Variants in MTUS2 observed in about 807,000 individuals in gnomAD.
The protein encoded by MTUS2 is microtubule associated scaffold protein 2.
A neutral mutation model predicts 114.1 loss-of-function variants in MTUS2; 40 were observed. The ratio of observed to expected loss-of-function variants is 0.35; its 90% CI spans 0.27 to 0.46. The LOEUF (loss-of-function observed/expected upper bound fraction) is 0.46. Among genes scored for constraint, MTUS2 ranks in the 20% least tolerant of loss-of-function variants. The probability of loss-of-function intolerance (pLI) is 1.00; values close to 1 mark genes in which losing one functional copy is unlikely to be tolerated. For synonymous variants in MTUS2, 688 were observed against 672.0 expected (o/e 1.02, Z -0.37); for missense variants, 1,679 against 1,705.4 (o/e 0.98, Z 0.27).
chr13:29,161,111 G>A (rs1407894904), intron 5 of MTUS2, among the ~76,000 whole-genome samples: 1 of 152,220 alleles, frequency 6.6e-6, no homozygotes, highest in East Asian at 1.9e-4. Flanking sequence ...GGTGGCAGAT[G>A]CCTGAAACTA....
At position 29,505,837 on chromosome 13, in the gene MTUS2, C is replaced by T. The variant is rs1210069561; in HGVS notation, c.*2631C>T. The T allele has an allele frequency of 4.8e-5, 11 of 228,932 alleles. No individual in the cohort carries two copies. In the East Asian group the frequency reaches 5.6e-4, roughly 12 times the overall value. The allele number at this position is 228,932 out of a possible 1,614,324, so 14.2% of individuals were successfully genotyped here. A position where few individuals can be genotyped will look rare whatever the true frequency, so the allele number is the denominator to read the frequency against. The stretch of plus-strand genomic sequence containing the variant: ...GGATGGGGGTGGGGGCAGCCCTGGC[C>T]GTGATTAGTTGAATGAATGGGGTCA... On this transcript the variant is annotated 3_prime_UTR_variant, in exon 16 of 16. Transcript: ENST00000612955.
intron 6 of MTUS2, among the ~76,000 whole-genome samples, chr13:29,287,900 G>A (rs1229804499): frequency 5.9e-5 from 9 of 152,168 alleles, no homozygotes; most frequent in Admixed American, 5.9e-4. Flanking sequence ...TGGCGGAGAA[G>A]CACAGAGAAA....
At chr13:28,946,305 G>GCA (rs1168946822) in intron 2 of MTUS2, among the ~76,000 whole-genome samples, 85 of 140,484 alleles carry the variant, frequency 6.1e-4, no homozygotes, top group African/African-American at 2.4e-3. Flanking sequence ...GTGTGTGTGT[G>GCA]CGCGCGCACA....
At chr13:29,224,760 T>A (rs78539136) in intron 5 of MTUS2, among the ~76,000 whole-genome samples, 1,659 of 147,840 alleles carry the variant, frequency 0.011, 26 homozygotes, top group African/African-American at 0.039. Flanking sequence ...ACAGGCTCAT[T>A]TTGTTGTTGC....
intron 5 of MTUS2, among the ~76,000 whole-genome samples, chr13:29,158,773 C>T (rs766067390): frequency 2.6e-5 from 4 of 152,062 alleles, no homozygotes; most frequent in Admixed American, 6.5e-5. Context: ...TGGCTTTTAG[C>T]GAAGGAGTTT....
intron 2 of MTUS2, among the ~76,000 whole-genome samples, chr13:28,988,163 G>C (rs1884672636): frequency 6.6e-6 from 1 of 152,226 alleles, no homozygotes; most frequent in Non-Finnish European, 1.5e-5. Flanking sequence ...TCCATGTGTA[G>C]GGAACTTCTG....
rs1878766451 is a variant in MTUS2 at position 28,889,088 on chromosome 13, ATTTGTTTTAAT to A, written c.-243+49241_-243+49251del. 2.6e-5 allele frequency among the ~76,000 whole-genome samples: 4 copies of A among 152,126 alleles called. No individual in the cohort carries two copies. The South Asian group carries it at 8.3e-4, about 32-fold the overall frequency. On this transcript the variant is annotated intron_variant, in intron 2 of 15. Coordinates refer to ENST00000612955, the MANE Select transcript of MTUS2 (RefSeq NM_001033602.4). ...TTACCGAGGGTGCTTCATAGAATCC[ATTTGTTTTAAT>A]TTCTTTTTAATTCCTTGTGATGATG...
chr13:28,833,001 A>G (rs1052038578), intron 1 of MTUS2, among the ~76,000 whole-genome samples: 1 of 152,148 alleles, frequency 6.6e-6, no homozygotes, highest in African/African-American at 2.4e-5. Flanking sequence ...GAAGACACAT[A>G]CTACCAAACT....
chr13:29,176,807 G>A lies in MTUS2; in HGVS notation c.2644+75837G>A, dbSNP rs576551187. Among the ~76,000 whole-genome samples, 11 of 149,884 alleles carry A rather than the reference G, an allele frequency of 7.3e-5. 1 individual carries two copies. Among genetic ancestry groups the A allele is most frequent in the African/African-American group, 2.0e-4 (8 of 39,280 alleles). On this transcript the variant is annotated intron_variant, in intron 5 of 15. Transcript: ENST00000612955. The stretch of plus-strand genomic sequence containing the variant: ...ATTCAGACCATGATAACAGCTCTTC[G>A]TGAGGCTTGGCCATCTCCACATCTC...
At chr13:29,204,042 C>T (rs796527548) in intron 5 of MTUS2, among the ~76,000 whole-genome samples, 3 of 152,110 alleles carry the variant, frequency 2.0e-5, no homozygotes, top group African/African-American at 7.2e-5. Flanking sequence ...TCATTGCAAC[C>T]TCCACCTCCC....
Position 28,871,720 on chromosome 13 carries a change from A to G in MTUS2, c.-243+31870A>G, listed in dbSNP as rs1877628446. On this transcript the variant is annotated intron_variant, in intron 2 of 15. Coordinates refer to ENST00000612955, the MANE Select transcript of MTUS2 (RefSeq NM_001033602.4). ...TAGTAATAACTACTATTAAGAAAGT[A>G]CAGCAGGATAAGGAGATAGGATTGC... is the stretch of plus-strand genomic sequence containing the variant. 2.6e-5 allele frequency among the ~76,000 whole-genome samples: 4 copies of G among 152,358 alleles called. 1 individual carries two copies. The South Asian group carries it at 8.3e-4, about 32-fold the overall frequency.
At chr13:29,271,640 C>T (rs1469576416) in intron 5 of MTUS2, among the ~76,000 whole-genome samples, 3 of 152,180 alleles carry the variant, frequency 2.0e-5, no homozygotes, top group Non-Finnish European at 4.4e-5. Context: ...CTGGACCAAG[C>T]AGCTCGTGTG....
At chr13:29,468,594 A>G (rs1345249349) in intron 9 of MTUS2, among the ~76,000 whole-genome samples, 1 of 151,696 alleles carries the variant, frequency 6.6e-6, no homozygotes, top group Admixed American at 6.6e-5. Flanking sequence ...ATACACACAC[A>G]CACACACACA....
At chr13:29,207,143 T>C (rs1895222446) in intron 5 of MTUS2, among the ~76,000 whole-genome samples, 2 of 151,936 alleles carry the variant, frequency 1.3e-5, no homozygotes, top group Non-Finnish European at 2.9e-5. Flanking sequence ...AGGTGTAATA[T>C]ACTCCTAAGT....
intron 5 of MTUS2, among the ~76,000 whole-genome samples, chr13:29,214,095 A>C (rs1242435422): frequency 6.6e-6 from 1 of 152,062 alleles, no homozygotes; most frequent in African/African-American, 2.4e-5. Context: ...TCTTACCAAC[A>C]GCATACTTCC....
chr13:28,822,697 T>G (rs1184708671), intron 1 of MTUS2, among the ~76,000 whole-genome samples: 1 of 112,612 alleles, frequency 8.9e-6, no homozygotes, highest in Non-Finnish European at 2.0e-5. Flanking sequence ...TTTTGGATTT[T>G]TTTTTTAAAT....
intron 6 of MTUS2, among the ~76,000 whole-genome samples, chr13:29,312,120 C>T (rs1193114611): frequency 6.6e-6 from 1 of 152,208 alleles, no homozygotes. Flanking sequence ...TGTCTCAGCT[C>T]AAACATAACC....
At chr13:29,068,157 A>T (rs1397064496) in intron 4 of MTUS2, among the ~76,000 whole-genome samples, 1 of 152,166 alleles carries the variant, frequency 6.6e-6, no homozygotes, top group Non-Finnish European at 1.5e-5. Flanking sequence ...TGACCTTGGA[A>T]CTTATCTTGG....
At chr13:29,000,724 C>G (rs959420005) in intron 2 of MTUS2, among the ~76,000 whole-genome samples, 1 of 152,178 alleles carries the variant, frequency 6.6e-6, no homozygotes, top group Admixed American at 6.5e-5. Context: ...AAGTTAGGAC[C>G]TGGATGTCAC....
Sources: gnomAD v4.1 joint callset for allele counts (sites outside exome capture counted in the v4.1 genomes callset) on GRCh38, gnomAD v4.1.1 for gene constraint, MANE v1.5 for transcripts, NCBI Gene and HGNC (gene_info 2026-07-23, HGNC 2026-07-21) for gene names.